The following SPATA16 variants were observed in gnomAD, a reference collection of about 807,000 sequenced individuals.
SPATA16 encodes the protein spermatogenesis-associated protein 16.
A neutral mutation model predicts 63.3 loss-of-function variants in SPATA16; 36 were observed. The ratio of observed to expected loss-of-function variants is 0.57; its 90% CI spans 0.44 to 0.75. The LOEUF is 0.75. Ranked by LOEUF, SPATA16 falls within the 30% of genes least tolerant of loss-of-function variation. The pLI is 0.00. For synonymous variants in SPATA16, 203 were observed against 216.7 expected (o/e 0.94, Z 0.56); for missense variants, 646 against 679.3 (o/e 0.95, Z 0.54).
rs144471597 is a variant in SPATA16 at position 172,907,868 on chromosome 3, G to A, written c.1587+5793C>T. 2.0e-3 allele frequency among the ~76,000 whole-genome samples: 297 copies of A among 152,170 alleles called. 1 individual carries two copies. The highest frequency in any genetic ancestry group is 3.4e-4 in the Non-Finnish European group (23 of 67,996). ...GTTGGTATTACAGACGTGAGCCACCGTGCCCAGCCCAGTCTCAGGTTTTAC... is the reference window on the plus strand; with the variant it reads ...GTTGGTATTACAGACGTGAGCCACCATGCCCAGCCCAGTCTCAGGTTTTAC... On this transcript the variant is annotated intron_variant, in intron 10 of 10. Coordinates refer to ENST00000351008, the MANE Select transcript of SPATA16 (RefSeq NM_031955.6).
intron 2 of SPATA16, among the ~76,000 whole-genome samples, chr3:173,105,423 T>C (rs1371597077): frequency 6.6e-6 from 1 of 152,244 alleles, no homozygotes; most frequent in Admixed American, 6.5e-5. Context: ...CTAGAAACTC[T>C]GTAACTAGCA....
chr3:173,037,599 G>A (rs903500923), intron 3 of SPATA16, among the ~76,000 whole-genome samples: 3 of 152,052 alleles, frequency 2.0e-5, no homozygotes, highest in African/African-American at 7.2e-5. Context: ...AGGTGAGCCA[G>A]GAAAGGTACA....
chr3:173,115,521 G>A (rs1737872083), intron 2 of SPATA16, among the ~76,000 whole-genome samples: 1 of 152,054 alleles, frequency 6.6e-6, no homozygotes, highest in African/African-American at 2.4e-5. Context: ...GGGGGTTTGT[G>A]GATAATATGG....
chr3:173,059,959 T>C (rs184790451), intron 2 of SPATA16, among the ~76,000 whole-genome samples: 260 of 149,248 alleles, frequency 1.7e-3, no homozygotes, highest in Non-Finnish European at 3.0e-3. Context: ...GAAGCTAATG[T>C]AGAAAAAACA....
At chr3:173,112,288 G>C (rs1359765004) in intron 2 of SPATA16, among the ~76,000 whole-genome samples, 1 of 152,214 alleles carries the variant, frequency 6.6e-6, no homozygotes. Flanking sequence ...ACTTCAAAGT[G>C]TTAATTGGAG....
intron 3 of SPATA16, among the ~76,000 whole-genome samples, chr3:173,029,940 C>A (rs955258476): frequency 6.6e-6 from 1 of 151,926 alleles, no homozygotes; most frequent in Non-Finnish European, 1.5e-5. Flanking sequence ...ATGTGTAAGA[C>A]CTATTTGTTA....
intron 10 of SPATA16, among the ~76,000 whole-genome samples, chr3:172,913,210 A>G (rs1393812617): frequency 2.6e-5 from 4 of 152,164 alleles, no homozygotes; most frequent in Admixed American, 2.0e-4. Context: ...ATGTTCCTCT[A>G]TTTCTAACAA....
chr3:173,077,664 C>T (rs1056717613), intron 2 of SPATA16, among the ~76,000 whole-genome samples: 3 of 152,144 alleles, frequency 2.0e-5, no homozygotes, highest in African/African-American at 7.2e-5. Context: ...AGTCCAAGTG[C>T]ACAAAGAAGA....
intron 10 of SPATA16, among the ~76,000 whole-genome samples, chr3:172,897,986 A>G (rs1222792645): frequency 6.6e-6 from 1 of 151,968 alleles, no homozygotes; most frequent in East Asian, 1.9e-4. Context: ...ATTTTGTCCA[A>G]TGCTTTTTCT....
At chr3:172,928,727 T>C (rs961225180) in intron 6 of SPATA16, among the ~76,000 whole-genome samples, 2 of 152,242 alleles carry the variant, frequency 1.3e-5, no homozygotes, top group African/African-American at 4.8e-5. Flanking sequence ...AAATATTCTC[T>C]GTTCCTTCTG....
intron 7 of SPATA16, 31 bp from the exon 8 acceptor site, chr3:172,924,348 A>G (rs1217650498): frequency 2.6e-6 from 4 of 1,525,002 alleles, no homozygotes; most frequent in Admixed American, 3.3e-5. Flanking sequence ...CTTTTATACT[A>G]TTTTCTCCAG....
At chr3:172,986,407 C>G (rs1577119538) in intron 4 of SPATA16, among the ~76,000 whole-genome samples, 1 of 152,116 alleles carries the variant, frequency 6.6e-6, no homozygotes, top group African/African-American at 2.4e-5. Context: ...TCATTAAGGT[C>G]TAATGAGGGA....
At chr3:173,064,085 C>A (rs1056936385) in intron 2 of SPATA16, among the ~76,000 whole-genome samples, 8 of 152,020 alleles carry the variant, frequency 5.3e-5, no homozygotes, top group Non-Finnish European at 8.8e-5. Flanking sequence ...GCAGGCAGAT[C>A]ACCTGAGGTC....
At chr3:173,048,391 G>A (rs1396395448) in intron 3 of SPATA16, among the ~76,000 whole-genome samples, 1 of 151,848 alleles carries the variant, frequency 6.6e-6, no homozygotes, top group Non-Finnish European at 1.5e-5. Context: ...GGTAACACTG[G>A]GGATTCTAGG....
intron 2 of SPATA16, among the ~76,000 whole-genome samples, chr3:173,079,862 T>TA (rs983698318): frequency 6.6e-6 from 1 of 152,148 alleles, no homozygotes; most frequent in African/African-American, 2.4e-5. Flanking sequence ...GTTTTTTTTT[T>TA]ATTTTTAAAA....
chr3:173,106,301 C>CTATT (rs1478650170), intron 2 of SPATA16, among the ~76,000 whole-genome samples: 1 of 152,142 alleles, frequency 6.6e-6, no homozygotes, highest in African/African-American at 2.4e-5. Flanking sequence ...CAATTCCTTC[C>CTATT]TATTTTACCT....
chr3:172,916,379 C>G lies in SPATA16; in HGVS notation c.1441G>C (p.Ala481Pro). Reference sequence around the variant, plus strand: ...GGAATGGTTGCTAGCTCTGCCATTGCTTGATTAATCACCTGGGACTGCTCC... The same window carrying G: ...GGAATGGTTGCTAGCTCTGCCATTGGTTGATTAATCACCTGGGACTGCTCC... ...VKEQSQVINQ[A>P]MAELATIPYL... Residue 481 changes from alanine (A) to proline (P), a missense_variant, in exon 9 of 11, where the codon GCA becomes CCA. By Grantham distance (27) the Ala-to-Pro change is conservative. Transcript: ENST00000351008. The G allele has an allele frequency of 6.2e-7, 1 of 1,613,808 alleles. No homozygotes were observed. The highest frequency in any genetic ancestry group is 8.5e-7 in the Non-Finnish European group (1 of 1,179,786).
At chr3:173,027,791 G>T (rs1735483785) in intron 3 of SPATA16, among the ~76,000 whole-genome samples, 1 of 151,694 alleles carries the variant, frequency 6.6e-6, no homozygotes, top group Non-Finnish European at 1.5e-5. Context: ...TCCTTCAGTG[G>T]CTATGGGAAC....
intron 5 of SPATA16, among the ~76,000 whole-genome samples, chr3:172,962,022 G>T (rs559760896): frequency 6.6e-6 from 1 of 152,184 alleles, no homozygotes; most frequent in South Asian, 2.1e-4. Flanking sequence ...GGAGGCCAAG[G>T]CAGGCAGATC....
Sources: allele counts gnomAD v4.1 joint callset (sites outside exome capture counted in the v4.1 genomes callset), GRCh38; gene constraint gnomAD v4.1.1; transcripts MANE v1.5; gene names NCBI Gene and HGNC (gene_info 2026-07-23, HGNC 2026-07-21).